C2orf80: variants seen among roughly 807,000 people sequenced by gnomAD.
The protein encoded by C2orf80 is chromosome 2 open reading frame 80.
In C2orf80, 28 loss-of-function variants were observed where a neutral mutation model predicts 30.2. The observed-to-expected ratio is 0.93, with a 90% CI of 0.69 to 1.27. The LOEUF is 1.27. Among genes scored for constraint, C2orf80 ranks in the 50% most tolerant of loss-of-function variants. The probability of loss-of-function intolerance (pLI) is 0.00; values close to 1 mark genes in which losing one functional copy is unlikely to be tolerated. For synonymous variants in C2orf80, 80 were observed against 76.4 expected (o/e 1.05, Z -0.24); for missense variants, 220 against 231.0 (o/e 0.95, Z 0.31).
At chr2:208,175,855 G>A (rs1696273754) in intron 6 of C2orf80, among the ~76,000 whole-genome samples, 2 of 151,914 alleles carry the variant, frequency 1.3e-5, no homozygotes, top group South Asian at 4.1e-4. Context: ...GCTATCGAGA[G>A]GTCCTGCTAA....
chr2:208,168,754 GATTA>G (rs1695991846), intron 8 of C2orf80, among the ~76,000 whole-genome samples: 1 of 84,548 alleles, frequency 1.2e-5, no homozygotes, highest in Non-Finnish European at 2.1e-5. Context: ...TCTGTCGCTT[GATTA>G]TTAAGAAAGG....
chr2:208,185,093 AG>A (rs1051158563), intron 2 of C2orf80, 61 bp from the exon 3 acceptor site: 5 of 1,332,468 alleles, frequency 3.8e-6, no homozygotes, highest in Non-Finnish European at 5.3e-6. Context: ...CTGCAGAAAA[AG>A]GCTTTTTTTT....
At chr2:208,173,067 C>T (rs753811504) in intron 6 of C2orf80, among the ~76,000 whole-genome samples, 5 of 139,334 alleles carry the variant, frequency 3.6e-5, no homozygotes, top group Admixed American at 8.0e-5. Flanking sequence ...TGCAGTGAGC[C>T]GAGATTGCGT....
At chr2:208,188,773 T>C (rs1352105791) in intron 1 of C2orf80, among the ~76,000 whole-genome samples, 1 of 152,218 alleles carries the variant, frequency 6.6e-6, no homozygotes, top group East Asian at 1.9e-4. Flanking sequence ...TTGCTGCTGC[T>C]ACATCTGCTT....
intron 2 of C2orf80, among the ~76,000 whole-genome samples, chr2:208,185,677 A>T (rs1270633456): frequency 5.3e-5 from 8 of 152,160 alleles, no homozygotes; most frequent in Non-Finnish European, 1.0e-4. Flanking sequence ...GGACTATGGC[A>T]TCTCCCAGGT....
At chr2:208,188,527 C>T (rs1696786914) in intron 1 of C2orf80, among the ~76,000 whole-genome samples, 1 of 151,666 alleles carries the variant, frequency 6.6e-6, no homozygotes, top group African/African-American at 2.4e-5. Context: ...TTCACTGCAA[C>T]CTCTGCCTCC....
At chr2:208,170,211 T>C (rs978205729) in intron 8 of C2orf80, among the ~76,000 whole-genome samples, 1 of 152,130 alleles carries the variant, frequency 6.6e-6, no homozygotes, top group African/African-American at 2.4e-5. Flanking sequence ...TATCCCAGAA[T>C]CCCAGACACC....
At chr2:208,188,993 G>A (rs895132162) in intron 1 of C2orf80, among the ~76,000 whole-genome samples, 4 of 152,182 alleles carry the variant, frequency 2.6e-5, no homozygotes. Flanking sequence ...TGATGTGGCT[G>A]TGCGTCTTCT....
chr2:208,181,193 A>G, intron 5 of C2orf80, 25 bp downstream of exon 5: 2 of 1,405,366 alleles, frequency 1.4e-6, no homozygotes, highest in East Asian at 2.3e-5. Context: ...ATATTCATAT[A>G]GGCAGATAGT....
At chr2:208,172,711 G>A (rs6435422) in intron 6 of C2orf80, among the ~76,000 whole-genome samples, 150,105 of 152,334 alleles carry the variant, frequency 0.99, 73,974 homozygotes, top group Middle Eastern at 1. Context: ...TTGGAAAGCA[G>A]TTTAGCTTTA....
rs1205125229 is a variant in C2orf80 at position 208,176,932 on chromosome 2, TATAC to T, written c.366+3809_366+3812del. The stretch of plus-strand genomic sequence containing the variant: ...GTGTATACATATCTGTATACATATG[TATAC>T]ATATCTGTATACATATCTGTATACA... On this transcript the variant is annotated intron_variant, in intron 6 of 8. Coordinates refer to ENST00000341287, the MANE Select transcript of C2orf80 (RefSeq NM_001099334.3). Among the ~76,000 whole-genome samples, 2 of 88,704 alleles carry T rather than the reference TATAC, an allele frequency of 2.3e-5. 1 individual carries two copies. Among genetic ancestry groups the T allele is most frequent in the Non-Finnish European group, 5.1e-5 (2 of 39,528 alleles). The allele number at this position is 88,704 out of a possible 152,430, so 58.2% of individuals were successfully genotyped here. A position where few individuals can be genotyped will look rare whatever the true frequency, so the allele number is the denominator to read the frequency against.
Position 208,180,734 on chromosome 2 carries a change from G to C in C2orf80, c.366+11C>G. Reference sequence around the variant, plus strand: ...AAATCCCTTCTATTGACAATCCCAGGTCACCCTTACCTTGATGGTACCAGA... The same window carrying C: ...AAATCCCTTCTATTGACAATCCCAGCTCACCCTTACCTTGATGGTACCAGA... On this transcript the variant is annotated intron_variant, in intron 6 of 8. Transcript: ENST00000341287. 2 of 1,606,420 alleles carry C rather than the reference G, an allele frequency of 1.2e-6. No homozygotes were observed. Among genetic ancestry groups the C allele is most frequent in the Non-Finnish European group, 1.7e-6 (2 of 1,175,700 alleles).
At position 208,176,927 on chromosome 2, in the gene C2orf80, ATAT is replaced by A. The variant is rs1559340306; in HGVS notation, c.366+3815_366+3817del. On this transcript the variant is annotated intron_variant, in intron 6 of 8. Transcript: ENST00000341287. ...TATCTGTGTATACATATCTGTATAC[ATAT>A]GTATACATATCTGTATACATATCTG... Among the ~76,000 whole-genome samples, 5 of 98,596 alleles carry A rather than the reference ATAT, an allele frequency of 5.1e-5. 1 individual carries two copies. The highest frequency in any genetic ancestry group is 9.4e-5 in the Non-Finnish European group (4 of 42,774). The allele number at this position is 98,596 out of a possible 152,430, so 64.7% of individuals were successfully genotyped here.
At chr2:208,183,166 A>G in intron 3 of C2orf80, 119 bp from the exon 4 acceptor site, 1 of 719,402 alleles carries the variant, frequency 1.4e-6, no homozygotes, top group Non-Finnish European at 2.3e-6. Context: ...CCAAAATGGG[A>G]AGGATCATTA....
chr2:208,176,884 T>G (rs1348910037), intron 6 of C2orf80, among the ~76,000 whole-genome samples: 6 of 105,932 alleles, frequency 5.7e-5, no homozygotes, highest in African/African-American at 1.9e-4. Context: ...TATGTATACA[T>G]AGGTGTATAT....
rs770087263 is a variant in C2orf80 at position 208,170,981 on chromosome 2, T to G, written c.537A>C (p.Ser179=). The G allele has an allele frequency of 6.2e-7, 1 of 1,614,152 alleles. No individual in the cohort carries two copies. The highest frequency in any genetic ancestry group is 1.7e-5 in the Admixed American group (1 of 60,032). ...GCTGTGTGTCTGAAAACCTTTGTGATGATTTCCATTCTGTGGCATTTGCTT... is the reference window on the plus strand; with the variant it reads ...GCTGTGTGTCTGAAAACCTTTGTGAGGATTTCCATTCTGTGGCATTTGCTT... ...AKEANATEWK[S]SQRFSDTQPK... The change falls in exon 8 of 9, where the codon TCA becomes TCC. Residue 179 remains serine, a synonymous_variant. Transcript: ENST00000341287.
At chr2:208,167,173 A>C (rs1394942252) in intron 8 of C2orf80, among the ~76,000 whole-genome samples, 1 of 152,112 alleles carries the variant, frequency 6.6e-6, no homozygotes, top group East Asian at 1.9e-4. Context: ...ACTTCCTAGT[A>C]ATGTGCCCAC....
chr2:208,169,277 G>GTGTGTGTGTGTGTGTGTA (rs1696016444), intron 8 of C2orf80, among the ~76,000 whole-genome samples: 2 of 151,628 alleles, frequency 1.3e-5, no homozygotes, highest in African/African-American at 4.8e-5. Context: ...GATTGTGTGT[G>GTGTGTGTGTGTGTGTGTA]TGTGTGTGTG....
chr2:208,171,351 A>T (rs529374422), intron 7 of C2orf80, among the ~76,000 whole-genome samples: 1 of 150,566 alleles, frequency 6.6e-6, no homozygotes, highest in African/African-American at 2.5e-5. Context: ...ATGGAGTTTC[A>T]CTCTTGTTGC....
Sources: allele counts gnomAD v4.1 joint callset (sites outside exome capture counted in the v4.1 genomes callset), GRCh38; gene constraint gnomAD v4.1.1; transcripts MANE v1.5; gene names NCBI Gene and HGNC (gene_info 2026-07-23, HGNC 2026-07-21).